Variants in PKHD1 observed in about 807,000 individuals in gnomAD.
The protein encoded by PKHD1 is fibrocystin.
PKHD1 carries 291 observed loss-of-function variants against 412.0 expected under a neutral mutation model. The ratio of observed to expected loss-of-function variants is 0.71; its 90% confidence interval spans 0.64 to 0.78. The LOEUF (loss-of-function observed/expected upper bound fraction) is 0.78. PKHD1 is among the 30% of genes least tolerant of loss of function. The probability of loss-of-function intolerance (pLI) is 0.00; values close to 1 mark genes in which losing one functional copy is unlikely to be tolerated. For missense variants in PKHD1, 4,825 were observed against 4,950.7 expected (o/e 0.97, Z 0.76); for synonymous variants, 1,777 against 1,821.5 (o/e 0.98, Z 0.62).
intron 49 of PKHD1, 83 bp from the exon 50 acceptor site, chr6:51,848,053 AAAC>A: frequency 1.1e-6 from 1 of 895,462 alleles, no homozygotes; most frequent in Non-Finnish European, 1.9e-6. Context: ...CACCCTGCCA[AAAC>A]AACTACAGAG....
At chr6:51,979,620 C>T (rs1341684603) in intron 35 of PKHD1, among the ~76,000 whole-genome samples, 2 of 152,036 alleles carry the variant, frequency 1.3e-5, no homozygotes, top group African/African-American at 4.8e-5. Context: ...GCCTCCCACA[C>T]ACACTTAGAA....
At chr6:52,024,132 A>G (rs957715411) in intron 32 of PKHD1, among the ~76,000 whole-genome samples, 4 of 152,316 alleles carry the variant, frequency 2.6e-5, no homozygotes, top group African/African-American at 9.6e-5. Context: ...CATTTGGCTT[A>G]TTATTGTTGA....
chr6:52,006,746 G>A (rs1186419672), intron 35 of PKHD1, among the ~76,000 whole-genome samples: 2 of 152,116 alleles, frequency 1.3e-5, no homozygotes, highest in Non-Finnish European at 2.9e-5. Context: ...GGTTACATGA[G>A]TAAGTTCTTT....
intron 50 of PKHD1, among the ~76,000 whole-genome samples, chr6:51,844,116 CGTT>C (rs1554269065): frequency 2.0e-5 from 3 of 152,138 alleles, no homozygotes; most frequent in Non-Finnish European, 4.4e-5. Context: ...ATCAGGAAAA[CGTT>C]GGTGAAATAA....
intron 37 of PKHD1, among the ~76,000 whole-genome samples, chr6:51,915,448 A>G (rs1783621416): frequency 6.6e-6 from 1 of 152,086 alleles, no homozygotes; most frequent in South Asian, 2.1e-4. Flanking sequence ...AACCATACCT[A>G]TGTTCATTCA....
chr6:52,015,318 T>C (rs964588447), intron 34 of PKHD1, among the ~76,000 whole-genome samples: 5 of 152,244 alleles, frequency 3.3e-5, no homozygotes, highest in African/African-American at 1.2e-4. Flanking sequence ...CATTTCTATC[T>C]ACTTTCTTAA....
chr6:51,672,690 A>C (rs1456101761), intron 60 of PKHD1, among the ~76,000 whole-genome samples: 1 of 152,238 alleles, frequency 6.6e-6, no homozygotes, highest in Non-Finnish European at 1.5e-5. Context: ...TATTAAAGTT[A>C]TATACAAAGA....
chr6:51,988,801 G>A (rs556230648), intron 35 of PKHD1, among the ~76,000 whole-genome samples: 7 of 152,258 alleles, frequency 4.6e-5, no homozygotes, highest in African/African-American at 1.7e-4. Flanking sequence ...GGACCTTGGC[G>A]TTGTTAGGGA....
intron 41 of PKHD1, among the ~76,000 whole-genome samples, chr6:51,904,695 T>G (rs1474815747): frequency 1.3e-5 from 2 of 152,308 alleles, no homozygotes; most frequent in South Asian, 4.1e-4. Flanking sequence ...ATACAATAGA[T>G]GTCAAAATCT....
rs553647044 is a variant in PKHD1 at position 51,709,362 on chromosome 6, C to G, written c.10156+35023G>C. Among the ~76,000 whole-genome samples the G allele has an allele frequency of 3.9e-5, 6 of 152,324 alleles. No individual in the cohort carries two copies. In the South Asian group the frequency reaches 1.2e-3, roughly 32 times the overall value. On this transcript the variant is annotated intron_variant, in intron 60 of 66. Coordinates refer to ENST00000371117, the MANE Select transcript of PKHD1 (RefSeq NM_138694.4). The stretch of plus-strand genomic sequence containing the variant: ...TTCCAGGGGTGTATGACTAGGACAA[C>G]CACACATCCCCATGTTTTTCAGGGC...
At chr6:51,769,451 A>AT (rs1324233382) in intron 55 of PKHD1, among the ~76,000 whole-genome samples, 2 of 151,250 alleles carry the variant, frequency 1.3e-5, no homozygotes, top group African/African-American at 4.8e-5. Context: ...ATAGATTTAT[A>AT]TTTTTTACAT....
intron 43 of PKHD1, among the ~76,000 whole-genome samples, chr6:51,894,533 C>G (rs922636014): frequency 2.0e-5 from 3 of 152,188 alleles, no homozygotes. Context: ...ACTGCAAGCC[C>G]AGCTGAATTC....
chr6:52,020,061 C>T (rs1391577579), intron 33 of PKHD1, among the ~76,000 whole-genome samples: 4 of 152,148 alleles, frequency 2.6e-5, no homozygotes, highest in Admixed American at 6.6e-5. Flanking sequence ...TGAAACATCA[C>T]TCTATGGTAC....
intron 34 of PKHD1, among the ~76,000 whole-genome samples, chr6:52,014,675 G>A (rs1259751774): frequency 6.7e-6 from 1 of 148,426 alleles, no homozygotes; most frequent in Admixed American, 6.7e-5. Flanking sequence ...ATGGATAGAT[G>A]GATGGATGGA....
intron 37 of PKHD1, among the ~76,000 whole-genome samples, chr6:51,919,077 T>C (rs964484550): frequency 1.3e-5 from 2 of 152,248 alleles, no homozygotes; most frequent in African/African-American, 4.8e-5. Context: ...ATTCTGTAGG[T>C]TGCCTGTTCA....
At chr6:52,020,499 T>C (rs1801237958) in intron 33 of PKHD1, among the ~76,000 whole-genome samples, 1 of 152,246 alleles carries the variant, frequency 6.6e-6, no homozygotes, top group Non-Finnish European at 1.5e-5. Context: ...AAATGTTTAC[T>C]TGGAAAGTTT....
chr6:51,637,301 G>C (rs1768705116), intron 64 of PKHD1, among the ~76,000 whole-genome samples: 1 of 152,178 alleles, frequency 6.6e-6, no homozygotes, highest in South Asian at 2.1e-4. Context: ...ACAATCCCTG[G>C]GAATTGGGAA....
chr6:52,016,650 A>AAAAAG (rs1800587931), intron 34 of PKHD1, among the ~76,000 whole-genome samples: 2 of 150,656 alleles, frequency 1.3e-5, no homozygotes, highest in South Asian at 4.2e-4. Flanking sequence ...AAAAAAAAAA[A>AAAAAG]AAAAGAAAAG....
chr6:51,677,269 C>T lies in PKHD1; in HGVS notation c.10157-17300G>A, dbSNP rs552147257. On this transcript the variant is annotated intron_variant, in intron 60 of 66. Coordinates refer to ENST00000371117, the MANE Select transcript of PKHD1 (RefSeq NM_138694.4). ...AGATTGCCTTTCACAGTTTGTTAGA[C>T]AGTGGCCCTTCAGAGTATAGTCACC... 2.0e-3 allele frequency among the ~76,000 whole-genome samples: 309 copies of T among 152,224 alleles called. 1 individual carries two copies. The highest frequency in any genetic ancestry group is 6.6e-3 in the African/African-American group (276 of 41,546).
Sources: gnomAD v4.1 joint callset for allele counts (sites outside exome capture counted in the v4.1 genomes callset) on GRCh38, gnomAD v4.1.1 for gene constraint, MANE v1.5 for transcripts, NCBI Gene and HGNC (gene_info 2026-07-23, HGNC 2026-07-21) for gene names.